The following CC2D1B variants were observed in gnomAD, a reference collection of about 807,000 sequenced individuals.
The protein encoded by CC2D1B is coiled-coil and C2 domain containing 1B, also known as coiled-coil and C2 domain-containing protein 1B.
CC2D1B carries 92 observed loss-of-function variants against 110.8 expected under a neutral mutation model. That is an observed-to-expected ratio of 0.83 (90% CI 0.70 to 0.99). The LOEUF (loss-of-function observed/expected upper bound fraction) is 0.99. Ranked by LOEUF, CC2D1B falls within the 50% of genes least tolerant of loss-of-function variation. The pLI, the probability that CC2D1B is intolerant of heterozygous loss-of-function variation, is 0.00. For synonymous variants in CC2D1B, 406 were observed against 429.2 expected, an observed-to-expected ratio of 0.95 and a Z score of 0.67; for missense variants, 1,136 against 1,089.0, an observed-to-expected ratio of 1.04 and a Z score of -0.61.
chr1:52,354,141 C>T (rs532626215), intron 23 of CC2D1B, among the ~76,000 whole-genome samples: 116 of 152,164 alleles, frequency 7.6e-4, no homozygotes, highest in Non-Finnish European at 1.3e-3. Context: ...GTCCAACCAC[C>T]CTCAGTGGCT....
chr1:52,358,917 A>T, intron 11 of CC2D1B, 110 bp downstream of exon 11: 3 of 1,509,498 alleles, frequency 2.0e-6, no homozygotes, highest in Non-Finnish European at 2.7e-6. Flanking sequence ...CAGAGAGACA[A>T]ACAGATGATG....
At position 52,359,478 on chromosome 1, in the gene CC2D1B, G is replaced by C; in HGVS notation, c.999C>G (p.Ala333=). The C allele has an allele frequency of 4.3e-6, 7 of 1,614,152 alleles. No individual in the cohort carries two copies. The highest frequency in any genetic ancestry group is 5.9e-6 in the Non-Finnish European group (7 of 1,180,038). Residue 333 remains alanine, a synonymous_variant, in exon 9 of 25, where the codon GCC becomes GCG. Coordinates refer to ENST00000284376, the MANE Select transcript of CC2D1B (RefSeq NM_001330585.2). ...LEKGQPVDLS[A]MPPAPEDLKP... Reference sequence around the variant, plus strand: ...ACTGACCCTCAGGTGCCGGGGGCATGGCACTCAGATCCACGGGCTGCCCCT... The same window carrying C: ...ACTGACCCTCAGGTGCCGGGGGCATCGCACTCAGATCCACGGGCTGCCCCT...
At chr1:52,357,267 T>C (rs931389799) in intron 15 of CC2D1B, 141 bp from the exon 16 acceptor site, 1 of 1,075,900 alleles carries the variant, frequency 9.3e-7, no homozygotes, top group African/African-American at 1.6e-5. Flanking sequence ...TCCCATTCTA[T>C]CCCAAAATAA....
At chr1:52,359,906 C>T in intron 7 of CC2D1B, 23 bp from the exon 8 acceptor site, 1 of 1,602,702 alleles carries the variant, frequency 6.2e-7, no homozygotes, top group Non-Finnish European at 8.5e-7. Flanking sequence ...AAACAGTCCC[C>T]AGAGAGCACA....
intron 8 of CC2D1B, 54 bp from the exon 9 acceptor site, chr1:52,359,588 T>G: frequency 6.3e-7 from 1 of 1,593,924 alleles, no homozygotes; most frequent in Admixed American, 1.7e-5. Flanking sequence ...CCCAAGAGCC[T>G]GGGCTGAAAC....
chr1:52,354,606 A>G lies in CC2D1B; in HGVS notation c.2430+2T>C, dbSNP rs775052653. On this transcript the variant is annotated splice_donor_variant, in intron 23 of 24. Transcript: ENST00000284376. LOFTEE classifies it high-confidence loss of function. Reference sequence around the variant, plus strand: ...TTGGCTTGCCCACACCCCAGCCCCTACCTCCACAATTTCTCTGATCTCACA... The same window carrying G: ...TTGGCTTGCCCACACCCCAGCCCCTGCCTCCACAATTTCTCTGATCTCACA... The G allele has an allele frequency of 3.7e-6, 6 of 1,613,750 alleles. No individual in the cohort carries two copies. The highest frequency in any genetic ancestry group is 5.1e-6 in the Non-Finnish European group (6 of 1,179,786).
intron 11 of CC2D1B, 100 bp downstream of exon 11, chr1:52,358,927 G>A: frequency 1.3e-6 from 2 of 1,523,700 alleles, no homozygotes; most frequent in Non-Finnish European, 1.8e-6. Flanking sequence ...AACAGATGAT[G>A]GTTCAGAAAA....
At chr1:52,355,355 C>T (rs1462732577) in intron 21 of CC2D1B, 43 bp downstream of exon 21, 2 of 1,604,512 alleles carry the variant, frequency 1.2e-6, no homozygotes, top group Admixed American at 1.7e-5. Context: ...GTGCTGCCCA[C>T]ACACTCTGAG....
intron 18 of CC2D1B, 28 bp downstream of exon 18, chr1:52,356,158 G>A (rs148030121): frequency 6.4e-7 from 1 of 1,573,532 alleles, no homozygotes; most frequent in Non-Finnish European, 8.7e-7. Flanking sequence ...TCCCTGCCTG[G>A]AGCCCCTGTT....
intron 21 of CC2D1B, 121 bp from the exon 22 acceptor site, chr1:52,355,060 C>T (rs906192410): frequency 2.5e-6 from 2 of 791,472 alleles, no homozygotes; most frequent in African/African-American, 3.4e-5. Context: ...TGGGGTACTG[C>T]CTCCAAAGGG....
intron 11 of CC2D1B, 22 bp downstream of exon 11, chr1:52,359,005 G>C (rs1251650901): frequency 6.2e-7 from 1 of 1,602,078 alleles, no homozygotes; most frequent in East Asian, 2.2e-5. Context: ...CACAGGCAGG[G>C]GCTGCATAGC....
At chr1:52,353,485 G>A (rs776801789) in intron 24 of CC2D1B, 33 bp downstream of exon 24, 1 of 1,584,496 alleles carries the variant, frequency 6.3e-7, no homozygotes, top group African/African-American at 1.4e-5. Flanking sequence ...AAAGGAGGGG[G>A]CAAAGGTTCT....
rs755685241 is a variant in CC2D1B at position 52,357,877 on chromosome 1, G to A, written c.1483C>T (p.Pro495Ser). 14 of 1,576,938 alleles carry A rather than the reference G, an allele frequency of 8.9e-6. No homozygotes were observed. The highest frequency in any genetic ancestry group is 4.5e-5 in the East Asian group (2 of 44,746). The change falls in exon 14 of 25, where the codon CCA (proline) becomes TCA (serine). Residue 495 changes from proline to serine, a missense_variant. Coordinates refer to ENST00000284376, the MANE Select transcript of CC2D1B (RefSeq NM_001330585.2). ...EDEGEPPAQA[P>S]VAKKPARPTV... ...GGCCGTGCAGGTTTCTTGGCCACTG[G>A]GGCCTGTGCTGGGGGCTCACCCTGC... is the stretch of plus-strand genomic sequence containing the variant.
rs900043362 is a variant in CC2D1B at position 52,350,613 on chromosome 1, T to C, written c.*2612A>G. ...ACTTCTTGATTCTAAAAAATTTCTG[T>C]AGTTTATTCAGTTTGCTAATTCAGA... On this transcript the variant is annotated 3_prime_UTR_variant, in exon 25 of 25. Transcript: ENST00000284376. 5 of 152,238 alleles carry C rather than the reference T, an allele frequency of 3.3e-5. No individual in the cohort carries two copies. Among genetic ancestry groups the C allele is most frequent in the African/African-American group, 1.2e-4 (5 of 41,458 alleles). The allele number at this position is 152,238 out of a possible 1,614,324, so 9.4% of individuals were successfully genotyped here.
intron 18 of CC2D1B, 68 bp from the exon 19 acceptor site, chr1:52,355,912 C>G: frequency 6.6e-7 from 1 of 1,516,630 alleles, no homozygotes; most frequent in Non-Finnish European, 9.2e-7. Context: ...GTCCCTTCGT[C>G]CAGGGCCTGT....
At position 52,353,481 on chromosome 1, in the gene CC2D1B, G is replaced by A. The variant is rs577976668; in HGVS notation, c.*1+37C>T. ...TTGAGTAGTTAGTTGAGTAAAAGGAGGGGGCAAAGGTTCTGAAGGCCCAGA... is the reference window on the plus strand; with the variant it reads ...TTGAGTAGTTAGTTGAGTAAAAGGAAGGGGCAAAGGTTCTGAAGGCCCAGA... On this transcript the variant is annotated intron_variant, in intron 24 of 24. Coordinates refer to ENST00000284376, the MANE Select transcript of CC2D1B (RefSeq NM_001330585.2). 48 of 1,576,064 alleles carry A rather than the reference G, an allele frequency of 3.0e-5. No individual in the cohort carries two copies. In the South Asian group the frequency reaches 5.5e-4, roughly 18 times the overall value.
At chr1:52,358,240 A>T (rs1646697013) in intron 13 of CC2D1B, 91 bp downstream of exon 13, 1 of 1,508,826 alleles carries the variant, frequency 6.6e-7, no homozygotes, top group African/African-American at 1.4e-5. Flanking sequence ...TATGTACCTT[A>T]TTGGGCTTGT....
rs766995488 is a variant in CC2D1B at position 52,359,211 on chromosome 1, T to C, written c.1126+39A>G. On this transcript the variant is annotated intron_variant, in intron 10 of 24. Transcript: ENST00000284376. ...TCAGGTCAGCCTGCCCTCCAATGCC[T>C]GCAGGTCCCCACGCCACAGTCCCAC... is the stretch of plus-strand genomic sequence containing the variant. 52 of 1,610,778 alleles carry C rather than the reference T, an allele frequency of 3.2e-5. No homozygotes were observed. In the South Asian group the frequency reaches 5.3e-4, roughly 16 times the overall value.
chr1:52,361,270 A>T (rs115780455), intron 4 of CC2D1B, 138 bp from the exon 5 acceptor site: 14,502 of 1,235,374 alleles, frequency 0.012, 105 homozygotes, highest in Non-Finnish European at 0.014. Context: ...TCACCAAAAC[A>T]TTTCTTTAAT....
Sources: allele counts gnomAD v4.1 joint callset (sites outside exome capture counted in the v4.1 genomes callset), GRCh38; gene constraint gnomAD v4.1.1; transcripts MANE v1.5; gene names NCBI Gene and HGNC (gene_info 2026-07-23, HGNC 2026-07-21).